The following IGFL4 variants were observed in gnomAD, a reference collection of about 807,000 sequenced individuals.
IGFL4 encodes insulin growth factor-like family member 4.
Under a neutral mutation model 15.4 loss-of-function variants are expected in IGFL4, and 12 were observed. That is an observed-to-expected ratio of 0.78 (90% CI 0.50 to 1.26). IGFL4 has a LOEUF of 1.26. Among genes scored for constraint, IGFL4 ranks in the 50% most tolerant of loss-of-function variants. The pLI, the probability that IGFL4 is intolerant of heterozygous loss-of-function variation, is 0.00. For missense variants in IGFL4, 126 were observed against 147.8 expected (o/e 0.85, Z 0.76); for synonymous variants, 54 against 55.9 (o/e 0.97, Z 0.16).
At chr19:46,070,699 G>A (rs1457926095) in intron 1 of IGFL4, among the ~76,000 whole-genome samples, 1 of 152,078 alleles carries the variant, frequency 6.6e-6, no homozygotes, top group African/African-American at 2.4e-5. Flanking sequence ...AGGCTCATCA[G>A]CTGTCCTACA....
intron 2 of IGFL4, among the ~76,000 whole-genome samples, chr19:46,054,838 TGGAAGATAAA>T (rs1969378865): frequency 1.3e-5 from 2 of 152,216 alleles, no homozygotes. Flanking sequence ...TCTTCAAAGT[TGGAAGATAAA>T]GGAAGATGGC....
upstream of IGFL4, among the ~76,000 whole-genome samples, chr19:46,041,269 C>G (rs184087471): frequency 6.6e-6 from 1 of 152,172 alleles, no homozygotes; most frequent in Non-Finnish European, 1.5e-5. Context: ...CTTTGAACAC[C>G]GCCCAAGGGA....
chr19:46,075,173 C>T lies in IGFL4; in HGVS notation c.-432+1847G>A, dbSNP rs1158357848. 3.9e-5 allele frequency among the ~76,000 whole-genome samples: 6 copies of T among 152,234 alleles called. No individual in the cohort carries two copies. The South Asian group carries it at 1.0e-3, about 26-fold the overall frequency. Reference sequence around the variant, plus strand: ...CCAAATACCTTGAAACCAGCTTCCCCTATTTTTAGCTTCTTACATTAGTAT... The same window carrying T: ...CCAAATACCTTGAAACCAGCTTCCCTTATTTTTAGCTTCTTACATTAGTAT... On this transcript the variant is annotated intron_variant, in intron 1 of 5. Coordinates refer to the IGFL4 transcript ENST00000601672.
chr19:46,063,935 AG>A (rs1969470283), intron 1 of IGFL4, among the ~76,000 whole-genome samples: 1 of 152,132 alleles, frequency 6.6e-6, no homozygotes, highest in African/African-American at 2.4e-5. Context: ...AGGCAGGCAT[AG>A]TGGCACGTGC....
intron 2 of IGFL4, chr19:46,060,044 T>G (rs1432989374): frequency 6.6e-6 from 1 of 152,230 alleles, no homozygotes; most frequent in Admixed American, 6.5e-5. Flanking sequence ...TCAAGTTTGA[T>G]TCCTTAAAGG....
chr19:46,040,502 C>T lies in IGFL4; in HGVS notation c.70+16G>A. 3 of 1,614,228 alleles carry T rather than the reference C, an allele frequency of 1.9e-6. No homozygotes were observed. Among genetic ancestry groups the T allele is most frequent in the Non-Finnish European group, 1.7e-6 (2 of 1,180,034 alleles). On this transcript the variant is annotated intron_variant, in intron 2 of 3. Coordinates refer to ENST00000377697, the MANE Select transcript of IGFL4 (RefSeq NM_001002923.3). The surrounding 1 kb of genome is among the most constrained non-coding windows in gnomAD (Gnocchi z 4.1). Reference sequence around the variant, plus strand: ...CTTAATGCTGTTCTCTCCTCCCTCACTGCATCTGTTCTCACCTGTGACTCC... The same window carrying T: ...CTTAATGCTGTTCTCTCCTCCCTCATTGCATCTGTTCTCACCTGTGACTCC...
chr19:46,076,591 C>T (rs1261719828), intron 1 of IGFL4, among the ~76,000 whole-genome samples: 2 of 151,080 alleles, frequency 1.3e-5, no homozygotes, highest in East Asian at 1.9e-4. Flanking sequence ...TTCCTTGATC[C>T]TAAAAGTTTA....
intron 1 of IGFL4, among the ~76,000 whole-genome samples, chr19:46,061,107 G>T (rs1244122278): frequency 6.6e-6 from 1 of 152,100 alleles, no homozygotes; most frequent in African/African-American, 2.4e-5. Context: ...TCTTTCACAA[G>T]ATCAATTTTT....
chr19:46,042,992 G>A (rs4803890), upstream of IGFL4, among the ~76,000 whole-genome samples: 35,530 of 152,068 alleles, frequency 0.23, 5,075 homozygotes, highest in East Asian at 0.49. Flanking sequence ...TTTCACCAAC[G>A]TGGCCCACGT....
intron 2 of IGFL4, among the ~76,000 whole-genome samples, chr19:46,049,594 AT>A (rs893871260): frequency 2.0e-5 from 3 of 152,076 alleles, no homozygotes; most frequent in African/African-American, 7.2e-5. Context: ...CCACACCCCC[AT>A]CCCCTATAGC....
chr19:46,071,749 G>T (rs917479091), intron 1 of IGFL4, among the ~76,000 whole-genome samples: 1 of 152,216 alleles, frequency 6.6e-6, no homozygotes, highest in Admixed American at 6.5e-5. Context: ...GGTTGGGCAC[G>T]GTGGCTCACG....
At position 46,040,543 on chromosome 19, in the gene IGFL4, C is replaced by T. The variant is rs2146507892; in HGVS notation, c.45G>A (p.Leu15=). ...CTGTGACTCCTTCTGAGTTTGAACC[C>T]AAAAGTTCAAAAATGAAGATGGCAG... ...ISAAIFIFEL[L]GSNSEGVTDL... Residue 15 remains leucine, a synonymous_variant, in exon 2 of 4, where the codon TTG becomes TTA. Transcript: ENST00000377697. The surrounding 1 kb of genome is among the most constrained non-coding windows in gnomAD (Gnocchi z 4.1). The T allele has an allele frequency of 6.2e-7, 1 of 1,614,052 alleles. No individual in the cohort carries two copies. Among genetic ancestry groups the T allele is most frequent in the East Asian group, 2.2e-5 (1 of 44,890 alleles).
chr19:46,070,590 G>T (rs1449537369), intron 1 of IGFL4, among the ~76,000 whole-genome samples: 1 of 152,076 alleles, frequency 6.6e-6, no homozygotes, highest in East Asian at 1.9e-4. Flanking sequence ...CCATCACCCA[G>T]CTCAAAACGC....
Position 46,039,306 on chromosome 19 carries a change from A to G in IGFL4, c.*586T>C, listed in dbSNP as rs1969211733. ...TTTGGTTACTGTAGCCTTATAGTAT[A>G]GTTTGAAGTCAGGTAGTGTGATGCC... On this transcript the variant is annotated 3_prime_UTR_variant, in exon 4 of 4. Transcript: ENST00000377697. 6.9e-6 allele frequency among the ~76,000 whole-genome samples: 1 copy of G among 145,442 alleles called. No individual in the cohort carries two copies. Among genetic ancestry groups the G allele is most frequent in the Admixed American group, 7.0e-5 (1 of 14,282 alleles).
chr19:46,041,198 G>A (rs1969239877), upstream of IGFL4: 1 of 484,612 alleles, frequency 2.1e-6, no homozygotes, highest in African/African-American at 2.0e-5. Context: ...AGACCCTTCA[G>A]ATCCTCAGGG....
intron 2 of IGFL4, chr19:46,058,840 C>G (rs1969418146): frequency 6.6e-6 from 1 of 152,174 alleles, no homozygotes; most frequent in Non-Finnish European, 1.5e-5. Flanking sequence ...GATATCAAGT[C>G]CCTAGGCTAC....
chr19:46,056,968 C>T (rs915364043), intron 2 of IGFL4, among the ~76,000 whole-genome samples: 2 of 152,192 alleles, frequency 1.3e-5, no homozygotes, highest in African/African-American at 4.8e-5. Flanking sequence ...TCTTAGGCTT[C>T]AGAGTCCCAA....
chr19:46,043,921 A>G (rs1382159402), upstream of IGFL4, among the ~76,000 whole-genome samples: 2 of 152,248 alleles, frequency 1.3e-5, no homozygotes, highest in Admixed American at 1.3e-4. Context: ...GAAGCGGGCA[A>G]GATGGCTGAC....
chr19:46,050,314 G>T (rs546369604), intron 2 of IGFL4, among the ~76,000 whole-genome samples: 12 of 152,170 alleles, frequency 7.9e-5, no homozygotes, highest in Non-Finnish European at 1.5e-4. Context: ...TCCAAACCAA[G>T]ATGAAATCTC....
Sources: allele counts gnomAD v4.1 joint callset (sites outside exome capture counted in the v4.1 genomes callset), GRCh38; gene constraint gnomAD v4.1.1; non-coding constraint Gnocchi (gnomAD v3.1); transcripts MANE v1.5; gene names NCBI Gene and HGNC (gene_info 2026-07-23, HGNC 2026-07-21).